The following NUTF2 variants were observed in gnomAD, a reference collection of about 807,000 sequenced individuals.
The protein encoded by NUTF2 is placental protein 15.
A neutral mutation model predicts 18.5 loss-of-function variants in NUTF2; 3 were observed. The ratio of observed to expected loss-of-function variants is 0.16; its 90% CI spans 0.07 to 0.42. The LOEUF is 0.42. NUTF2 is among the 10% of genes least tolerant of loss of function. NUTF2 has a pLI of 0.99. For missense variants in NUTF2, 44 were observed against 160.7 expected (o/e 0.27, Z 3.93); for synonymous variants, 51 against 57.9 (o/e 0.88, Z 0.54).
At chr16:67,867,773 C>T (rs1014953979) in intron 2 of NUTF2, among the ~76,000 whole-genome samples, 4 of 152,034 alleles carry the variant, frequency 2.6e-5, no homozygotes, top group Non-Finnish European at 4.4e-5. Context: ...TACAAACCGC[C>T]GCCTCCTGGG....
At chr16:67,858,120 A>G (rs1181159950) in intron 1 of NUTF2, among the ~76,000 whole-genome samples, 1 of 152,222 alleles carries the variant, frequency 6.6e-6, no homozygotes, top group African/African-American at 2.4e-5. Context: ...GATAAGTGCT[A>G]AGAAAACAAT....
intron 1 of NUTF2, among the ~76,000 whole-genome samples, chr16:67,863,101 C>T (rs1033050503): frequency 6.6e-6 from 1 of 152,140 alleles, no homozygotes; most frequent in Admixed American, 6.5e-5. Flanking sequence ...TGCCTTAGGT[C>T]CTCTAAGTTT....
At position 67,849,625 on chromosome 16, in the gene NUTF2, G is replaced by A. The variant is rs561374013; in HGVS notation, c.-30+2640G>A. Among the ~76,000 whole-genome samples the A allele has an allele frequency of 2.0e-5, 3 of 151,032 alleles. No individual in the cohort carries two copies. In the East Asian group the frequency reaches 5.9e-4, roughly 30 times the overall value. The stretch of plus-strand genomic sequence containing the variant: ...CAAAGTGCTGGGATTACAGGCATGA[G>A]CCACTGATCCCGGCCTAATTTTATT... On this transcript the variant is annotated intron_variant, in intron 1 of 4. Transcript: ENST00000219169.
intron 1 of NUTF2, among the ~76,000 whole-genome samples, chr16:67,851,845 G>A (rs887032281): frequency 2.0e-5 from 3 of 151,942 alleles, no homozygotes; most frequent in Admixed American, 2.0e-4. Flanking sequence ...GAAAAACCCT[G>A]TCTCTACTAA....
intron 1 of NUTF2, among the ~76,000 whole-genome samples, chr16:67,848,410 G>A (rs1265293529): frequency 2.6e-5 from 4 of 152,096 alleles, no homozygotes; most frequent in Admixed American, 1.3e-4. Context: ...TGGCAAAAGC[G>A]CATCTCTACT....
intron 1 of NUTF2, among the ~76,000 whole-genome samples, chr16:67,863,188 G>GATGAAGA (rs2057946236): frequency 6.6e-6 from 1 of 152,206 alleles, no homozygotes; most frequent in Non-Finnish European, 1.5e-5. Flanking sequence ...ATGGTCCTGT[G>GATGAAGA]CTTTCCCCAC....
At chr16:67,858,534 A>T (rs950529150) in intron 1 of NUTF2, among the ~76,000 whole-genome samples, 4 of 152,222 alleles carry the variant, frequency 2.6e-5, no homozygotes, top group Non-Finnish European at 5.9e-5. Flanking sequence ...TCGAGCTGGC[A>T]CATATGTGAC....
intron 1 of NUTF2, among the ~76,000 whole-genome samples, chr16:67,860,307 C>A (rs1052631831): frequency 6.6e-6 from 1 of 151,724 alleles, no homozygotes; most frequent in African/African-American, 2.4e-5. Flanking sequence ...CAGAGTCTTG[C>A]CCTGTCACTC....
rs377428156 is a variant in NUTF2, at chr16:67,856,623, C to T, written c.-29-8479C>T. On this transcript the variant is annotated intron_variant, in intron 1 of 4. Transcript: ENST00000219169. ...TCCTGGGTTCAAGCAATTATCCTGCCTCAGCATGCGGAGTAGCTGGGATTA... is the reference window on the plus strand; with the variant it reads ...TCCTGGGTTCAAGCAATTATCCTGCTTCAGCATGCGGAGTAGCTGGGATTA... Among the ~76,000 whole-genome samples the T allele has an allele frequency of 2.9e-4, 44 of 152,172 alleles. No individual in the cohort carries two copies. In the South Asian group the frequency reaches 8.5e-3, roughly 29 times the overall value.
chr16:67,870,752 T>C (rs2058005533), intron 4 of NUTF2, 48 bp from the exon 5 acceptor site: 2 of 1,473,082 alleles, frequency 1.4e-6, no homozygotes, highest in Non-Finnish European at 1.9e-6. Context: ...CTGAATTCCC[T>C]TCCTGTTTCT....
chr16:67,858,191 C>T (rs570963745), intron 1 of NUTF2, among the ~76,000 whole-genome samples: 10 of 152,040 alleles, frequency 6.6e-5, no homozygotes, highest in African/African-American at 1.5e-4. Context: ...TAATTGAGAC[C>T]GAATCTCACT....
intron 1 of NUTF2, among the ~76,000 whole-genome samples, chr16:67,850,485 C>T (rs966555485): frequency 1.3e-4 from 20 of 152,258 alleles, no homozygotes; most frequent in Middle Eastern, 3.4e-3. Context: ...GGATTACAGG[C>T]GTGAGCCACC....
At chr16:67,859,419 G>A (rs952609875) in intron 1 of NUTF2, among the ~76,000 whole-genome samples, 13 of 149,284 alleles carry the variant, frequency 8.7e-5, no homozygotes, top group Non-Finnish European at 1.8e-4. Context: ...GCACAATCTC[G>A]GTTCACCGCA....
intron 1 of NUTF2, among the ~76,000 whole-genome samples, chr16:67,858,534 A>G (rs950529150): frequency 6.6e-6 from 1 of 152,222 alleles, no homozygotes; most frequent in African/African-American, 2.4e-5. Flanking sequence ...TCGAGCTGGC[A>G]CATATGTGAC....
chr16:67,854,681 T>A (rs1378660334), intron 1 of NUTF2, among the ~76,000 whole-genome samples: 1 of 152,170 alleles, frequency 6.6e-6, no homozygotes, highest in East Asian at 1.9e-4. Context: ...GCACAGAGGC[T>A]CACACCTGTA....
chr16:67,872,407 AT>A lies in NUTF2; in HGVS notation c.*1497del, dbSNP rs1332573969. The A allele has an allele frequency of 6.6e-6, 1 of 152,110 alleles. No individual in the cohort carries two copies. The highest frequency in any genetic ancestry group is 1.5e-5 in the Non-Finnish European group (1 of 68,028). 9.4% of individuals were successfully genotyped at this position (152,110 alleles called of 1,614,324 possible). A position where few individuals can be genotyped will look rare whatever the true frequency, so the allele number is the denominator to read the frequency against. On this transcript the variant is annotated 3_prime_UTR_variant, in exon 5 of 5. Transcript: ENST00000219169. ...TTTGAGAGGACAGCATGCTCAGGAGATTTCAGTGGGAATGATCTCTAGGCTG... is the reference window on the plus strand; with the variant it reads ...TTTGAGAGGACAGCATGCTCAGGAGATTCAGTGGGAATGATCTCTAGGCTG...
At chr16:67,854,432 G>T (rs1469525226) in intron 1 of NUTF2, among the ~76,000 whole-genome samples, 1 of 152,248 alleles carries the variant, frequency 6.6e-6, no homozygotes, top group Non-Finnish European at 1.5e-5. Context: ...AGCAGACCTG[G>T]TCAGGGAGGC....
chr16:67,856,945 G>A (rs902953530), intron 1 of NUTF2, among the ~76,000 whole-genome samples: 1 of 152,198 alleles, frequency 6.6e-6, no homozygotes, highest in Non-Finnish European at 1.5e-5. Flanking sequence ...AGCTTCACAG[G>A]GCTTGTTGTG....
At chr16:67,857,259 G>A (rs2057904302) in intron 1 of NUTF2, among the ~76,000 whole-genome samples, 1 of 152,226 alleles carries the variant, frequency 6.6e-6, no homozygotes, top group African/African-American at 2.4e-5. Flanking sequence ...TACATAGGGA[G>A]TGAGTGCAGA....
Sources: allele counts gnomAD v4.1 joint callset (sites outside exome capture counted in the v4.1 genomes callset), GRCh38; gene constraint gnomAD v4.1.1; transcripts MANE v1.5; gene names NCBI Gene and HGNC (gene_info 2026-07-23, HGNC 2026-07-21).